Variants in CHSY3 observed in about 807,000 individuals in gnomAD.
The protein encoded by CHSY3 is N-acetylgalactosaminyl-proteoglycan 3-beta-glucuronosyltransferase 3.
In CHSY3, 35 loss-of-function variants were observed where a neutral mutation model predicts 67.2. That is an observed-to-expected ratio of 0.52 (90% confidence interval 0.40 to 0.69). The LOEUF is 0.69. Ranked by LOEUF, CHSY3 falls within the 30% of genes least tolerant of loss-of-function variation. The pLI is 0.00. For missense variants in CHSY3, 1,069 were observed against 1,138.5 expected, an observed-to-expected ratio of 0.94 and a Z score of 0.88; for synonymous variants, 474 against 434.7, an observed-to-expected ratio of 1.09 and a Z score of -1.12.
Position 130,051,194 on chromosome 5 carries a change from G to A in CHSY3, c.1087-133035G>A, listed in dbSNP as rs79616224. Among the ~76,000 whole-genome samples the A allele has an allele frequency of 4.2e-3, 637 of 152,152 alleles. 3 individuals are homozygous for A. Among genetic ancestry groups the A allele is most frequent in the African/African-American group, 0.015 (610 of 41,548 alleles). ...AGATGAGGATGTGGTGGAGGTGGGC[G>A]TGCATGGAGGGAAACGTCATATTAT... On this transcript the variant is annotated intron_variant, in intron 2 of 2. Transcript: ENST00000305031.
intron 2 of CHSY3, among the ~76,000 whole-genome samples, chr5:130,049,409 C>T (rs760506317): frequency 6.6e-6 from 1 of 152,016 alleles, no homozygotes; most frequent in African/African-American, 2.4e-5. Flanking sequence ...AGCTCTTTCC[C>T]CTTTTATTTT....
chr5:129,918,453 T>C (rs1760804354), intron 2 of CHSY3, among the ~76,000 whole-genome samples: 1 of 152,156 alleles, frequency 6.6e-6, no homozygotes, highest in Non-Finnish European at 1.5e-5. Context: ...AAATGGGTAA[T>C]TTTGATTCTA....
At chr5:129,935,652 T>C (rs945425452) in intron 2 of CHSY3, among the ~76,000 whole-genome samples, 1 of 152,138 alleles carries the variant, frequency 6.6e-6, no homozygotes, top group Non-Finnish European at 1.5e-5. Flanking sequence ...CACTTAGAAA[T>C]GAGATGTGGC....
intron 2 of CHSY3, among the ~76,000 whole-genome samples, chr5:129,929,668 C>G (rs944062855): frequency 1.3e-5 from 2 of 152,148 alleles, no homozygotes; most frequent in African/African-American, 4.8e-5. Flanking sequence ...AAACCACAAA[C>G]TAGCTACAAC....
chr5:130,066,682 A>G (rs1297196383), intron 2 of CHSY3, among the ~76,000 whole-genome samples: 1 of 152,120 alleles, frequency 6.6e-6, no homozygotes, highest in African/African-American at 2.4e-5. Flanking sequence ...TAGCACTTTG[A>G]CATTAGGTGA....
chr5:129,916,409 G>C (rs192588981), intron 2 of CHSY3, among the ~76,000 whole-genome samples: 6 of 152,172 alleles, frequency 3.9e-5, no homozygotes, highest in Non-Finnish European at 7.4e-5. Context: ...AAACAGCTTG[G>C]GTTAGAAATG....
intron 2 of CHSY3, among the ~76,000 whole-genome samples, chr5:130,160,827 T>C (rs1719696524): frequency 6.6e-6 from 1 of 152,134 alleles, no homozygotes; most frequent in Admixed American, 6.6e-5. Flanking sequence ...GATAATCCTT[T>C]GGAGGGAATA....
chr5:130,061,902 A>AC (rs975337732), intron 2 of CHSY3, among the ~76,000 whole-genome samples: 2 of 152,040 alleles, frequency 1.3e-5, no homozygotes, highest in African/African-American at 4.8e-5. Context: ...CAAAAAAAAA[A>AC]CAGATATTGG....
intron 2 of CHSY3, among the ~76,000 whole-genome samples, chr5:130,056,938 T>C (rs1477372471): frequency 3.3e-4 from 47 of 142,796 alleles, no homozygotes; most frequent in Middle Eastern, 3.5e-3. Context: ...TTTTTTTTTT[T>C]TTTTTGACAG....
chr5:130,017,650 A>G (rs1373894218), intron 2 of CHSY3, among the ~76,000 whole-genome samples: 1 of 152,136 alleles, frequency 6.6e-6, no homozygotes, highest in African/African-American at 2.4e-5. Context: ...CTCTTAAGTG[A>G]TGTTTACATT....
rs746111376 is a variant in CHSY3, at chr5:129,905,477, G to A, written c.648G>A (p.Gln216=). The A allele has an allele frequency of 1.1e-5, 18 of 1,612,740 alleles. No homozygotes were observed. Among genetic ancestry groups the A allele is most frequent in the Admixed American group, 3.3e-5 (2 of 60,008 alleles). ...FSSQQPPNAG[Q]PPPPLPVIAL... ...GCCAGCAGCCCCCCAACGCCGGCCA[G>A]CCCCCGCCACCCCTGCCTGTCATCG... The change falls in exon 1 of 3, where the codon CAG becomes CAA. Residue 216 remains glutamine, a synonymous_variant. Transcript: ENST00000305031.
intron 2 of CHSY3, among the ~76,000 whole-genome samples, chr5:130,044,814 C>T (rs1361190126): frequency 2.0e-5 from 3 of 151,918 alleles, no homozygotes; most frequent in African/African-American, 4.8e-5. Flanking sequence ...AATCAGATGT[C>T]GGCATATTGG....
At chr5:130,092,160 A>C (rs1766902214) in intron 2 of CHSY3, among the ~76,000 whole-genome samples, 1 of 152,200 alleles carries the variant, frequency 6.6e-6, no homozygotes, top group Non-Finnish European at 1.5e-5. Flanking sequence ...AGACAGCTCC[A>C]GGAGGCAGAT....
chr5:130,067,358 A>G (rs1432742035), intron 2 of CHSY3, among the ~76,000 whole-genome samples: 1 of 152,176 alleles, frequency 6.6e-6, no homozygotes, highest in Non-Finnish European at 1.5e-5. Flanking sequence ...GAAAATTGTC[A>G]TATCCTTTAC....
intron 2 of CHSY3, among the ~76,000 whole-genome samples, chr5:130,101,166 C>T (rs914989269): frequency 6.6e-6 from 1 of 152,148 alleles, no homozygotes; most frequent in South Asian, 2.1e-4. Context: ...GATCACACTG[C>T]TACAAAATCT....
At chr5:129,905,727 C>T (rs559899608) in intron 1 of CHSY3, 96 bp downstream of exon 1, 96 of 1,532,676 alleles carry the variant, frequency 6.3e-5, no homozygotes, top group African/African-American at 2.2e-4. Context: ...CGCTGCTTCT[C>T]TGCCAGCACG....
At chr5:130,119,118 A>T (rs1033152197) in intron 2 of CHSY3, among the ~76,000 whole-genome samples, 31 of 152,188 alleles carry the variant, frequency 2.0e-4, no homozygotes, top group Admixed American at 1.1e-3. Context: ...AGATGAGGGT[A>T]TCAAACCCTC....
intron 2 of CHSY3, among the ~76,000 whole-genome samples, chr5:130,059,450 C>G (rs1195848782): frequency 6.6e-6 from 1 of 151,590 alleles, no homozygotes; most frequent in Non-Finnish European, 1.5e-5. Context: ...TTCCCCCTCC[C>G]CCTCTCCCAA....
intron 2 of CHSY3, among the ~76,000 whole-genome samples, chr5:129,918,579 A>G (rs1760807694): frequency 6.6e-6 from 1 of 152,120 alleles, no homozygotes; most frequent in African/African-American, 2.4e-5. Flanking sequence ...AGAGCAGGAA[A>G]ATGCCTCCTC....
Sources: gnomAD v4.1 joint callset for allele counts (sites outside exome capture counted in the v4.1 genomes callset) on GRCh38, gnomAD v4.1.1 for gene constraint, MANE v1.5 for transcripts, NCBI Gene and HGNC (gene_info 2026-07-23, HGNC 2026-07-21) for gene names.